IGSF11: variants seen among roughly 807,000 people sequenced by gnomAD.
The protein encoded by IGSF11 is CXADR like 1.
Under a neutral mutation model 41.0 loss-of-function variants are expected in IGSF11, and 22 were observed. That is an observed-to-expected ratio of 0.54 (90% CI 0.38 to 0.77). The LOEUF (loss-of-function observed/expected upper bound fraction) is 0.77, where lower values mean the gene tolerates loss of function less well. Ranked by LOEUF, IGSF11 falls within the 30% of genes least tolerant of loss-of-function variation. The pLI, the probability that IGSF11 is intolerant of heterozygous loss-of-function variation, is 0.00. For synonymous variants in IGSF11, 219 were observed against 201.3 expected (o/e 1.09, Z -0.74); for missense variants, 444 against 530.8 (o/e 0.84, Z 1.61).
At chr3:119,102,631 A>C (rs919907296) in intron 1 of IGSF11, among the ~76,000 whole-genome samples, 2 of 152,154 alleles carry the variant, frequency 1.3e-5, no homozygotes, top group Admixed American at 1.3e-4. Flanking sequence ...AGTCCATTGA[A>C]TCTATACTCA....
chr3:119,111,622 G>A (rs780374075), intron 1 of IGSF11, among the ~76,000 whole-genome samples: 28 of 151,404 alleles, frequency 1.8e-4, no homozygotes, highest in Non-Finnish European at 3.2e-4. Context: ...AGCTTTGTTC[G>A]GTTGCTGGTG....
chr3:118,907,114 T>C (rs1014128901), intron 4 of IGSF11, among the ~76,000 whole-genome samples: 1 of 152,184 alleles, frequency 6.6e-6, no homozygotes, highest in Admixed American at 6.5e-5. Context: ...CAAGTATGCC[T>C]GGGGCAACAC....
intron 1 of IGSF11, among the ~76,000 whole-genome samples, chr3:118,992,070 T>C (rs532009358): frequency 6.6e-6 from 1 of 152,210 alleles, no homozygotes; most frequent in Non-Finnish European, 1.5e-5. Flanking sequence ...ATAGGAAAGT[T>C]TTAGCAAAAA....
chr3:119,122,496 G>A (rs1172598833), intron 1 of IGSF11, among the ~76,000 whole-genome samples: 2 of 152,196 alleles, frequency 1.3e-5, no homozygotes, highest in Non-Finnish European at 2.9e-5. Context: ...CAACTCCTAG[G>A]TGAGTCCTAG....
At position 118,902,671 on chromosome 3, in the gene IGSF11, G is replaced by A; in HGVS notation, c.1145C>T (p.Pro382Leu). Reference sequence around the variant, plus strand: ...GCCATTGCTCCTGGACATCACCTGTGGTGATGACCCTCTGTTGGCTGTCAC... The same window carrying A: ...GCCATTGCTCCTGGACATCACCTGTAGTGATGACCCTCTGTTGGCTGTCAC... ...LVVTANRGSS[P>L]QVMSRSNGSV... The change falls in exon 7 of 7, where the codon CCA becomes CTA. Residue 382 changes from proline to leucine, a missense_variant. By Grantham distance (98) the Pro-to-Leu change is moderately conservative. Around this residue, in one of 3 missense-constraint regions of IGSF11, gnomAD observed 223 missense variants for 226.2 expected, o/e 0.99. Coordinates refer to ENST00000393775, the MANE Select transcript of IGSF11 (RefSeq NM_001015887.3). The A allele has an allele frequency of 2.5e-6, 4 of 1,614,088 alleles. No homozygotes were observed. The highest frequency in any genetic ancestry group is 3.4e-6 in the Non-Finnish European group (4 of 1,180,010).
At chr3:118,995,300 C>A (rs1029898493) in intron 1 of IGSF11, among the ~76,000 whole-genome samples, 22 of 152,026 alleles carry the variant, frequency 1.4e-4, no homozygotes, top group African/African-American at 5.3e-4. Context: ...CGAAAGAAAG[C>A]AAAAAGCAAA....
At chr3:118,995,755 C>T (rs928527162) in intron 1 of IGSF11, among the ~76,000 whole-genome samples, 7 of 152,098 alleles carry the variant, frequency 4.6e-5, no homozygotes, top group Admixed American at 3.9e-4. Context: ...TGGGTTCAAG[C>T]GATTCTCCTG....
intron 1 of IGSF11, among the ~76,000 whole-genome samples, chr3:118,946,458 A>G (rs2107571327): frequency 6.8e-6 from 1 of 147,530 alleles, no homozygotes; most frequent in Non-Finnish European, 1.5e-5. Context: ...AAAAAAAAAA[A>G]GAAGAAGAAG....
At chr3:118,980,952 T>C (rs1351412349) in intron 1 of IGSF11, among the ~76,000 whole-genome samples, 2 of 152,214 alleles carry the variant, frequency 1.3e-5, no homozygotes, top group South Asian at 2.1e-4. Context: ...TTAAAGATAC[T>C]TGAAAACTCA....
At chr3:118,947,549 T>C (rs1470221648) in intron 1 of IGSF11, 1 of 152,238 alleles carries the variant, frequency 6.6e-6, no homozygotes, top group Non-Finnish European at 1.5e-5. Flanking sequence ...ATACTTGTTA[T>C]AAATAAGATA....
chr3:119,071,453 T>G (rs2076398380), intron 1 of IGSF11, among the ~76,000 whole-genome samples: 1 of 152,220 alleles, frequency 6.6e-6, no homozygotes, highest in African/African-American at 2.4e-5. Flanking sequence ...ATTTTATAGT[T>G]TTAGCTTTTA....
At chr3:118,913,554 TA>T (rs1324423368) in intron 4 of IGSF11, among the ~76,000 whole-genome samples, 1 of 152,124 alleles carries the variant, frequency 6.6e-6, no homozygotes, top group African/African-American at 2.4e-5. Context: ...TTATACTCAC[TA>T]AACTGCATTA....
At chr3:118,969,408 A>G (rs1933110886) in intron 1 of IGSF11, among the ~76,000 whole-genome samples, 1 of 152,160 alleles carries the variant, frequency 6.6e-6, no homozygotes, top group Admixed American at 6.5e-5. Context: ...CTCCCAGTAG[A>G]CACTAGGCTA....
intron 1 of IGSF11, among the ~76,000 whole-genome samples, chr3:119,051,128 C>G (rs1941608276): frequency 6.6e-6 from 1 of 150,548 alleles, no homozygotes; most frequent in Admixed American, 6.6e-5. Context: ...CACATGTACC[C>G]TAAAACTTAA....
At position 118,930,232 on chromosome 3, in the gene IGSF11, G is replaced by A. The variant is rs532271891; in HGVS notation, c.96C>T (p.Ile32=). Residue 32 remains isoleucine, a synonymous_variant, in exon 2 of 7, where the codon ATC becomes ATT. Transcript: ENST00000393775. ...CTGCTGGCTGACCCCGGGCCACCTG[G>A]ATACTCCCAGGGCTCTCTGACACTT... ...SLEVSESPGS[I]QVARGQPAVL... 19 of 1,613,932 alleles carry A rather than the reference G, an allele frequency of 1.2e-5. No individual in the cohort carries two copies. The South Asian group carries it at 2.1e-4, about 18-fold the overall frequency.
intron 1 of IGSF11, among the ~76,000 whole-genome samples, chr3:119,049,434 C>A (rs1269259658): frequency 6.6e-6 from 1 of 152,156 alleles, no homozygotes; most frequent in Non-Finnish European, 1.5e-5. Context: ...AGGAATCCAA[C>A]TTACAAGGGA....
At chr3:119,123,303 T>C (rs1159566141) in intron 1 of IGSF11, among the ~76,000 whole-genome samples, 1 of 152,202 alleles carries the variant, frequency 6.6e-6, no homozygotes. Flanking sequence ...CTATGTCTTG[T>C]TGTTTGAGTG....
chr3:119,062,447 C>T (rs1942084240), intron 1 of IGSF11, among the ~76,000 whole-genome samples: 1 of 152,172 alleles, frequency 6.6e-6, no homozygotes, highest in African/African-American at 2.4e-5. Context: ...TTGCACCGCT[C>T]TTGTGCAGTC....
intron 1 of IGSF11, among the ~76,000 whole-genome samples, chr3:118,992,020 G>C (rs1183536029): frequency 6.6e-6 from 1 of 152,250 alleles, no homozygotes; most frequent in Non-Finnish European, 1.5e-5. Context: ...TGAACATTCA[G>C]TCCACAAACA....
Sources: allele counts gnomAD v4.1 joint callset (sites outside exome capture counted in the v4.1 genomes callset), GRCh38; gene constraint gnomAD v4.1.1; regional missense constraint gnomAD v4.1.1; transcripts MANE v1.5; gene names NCBI Gene and HGNC (gene_info 2026-07-23, HGNC 2026-07-21).